Variants in TBC1D9 observed in about 807,000 individuals in gnomAD.
TBC1D9 encodes the protein TBC1 domain family member 9, also known as TBC1 domain family member 9A.
In TBC1D9, 63 loss-of-function variants were observed where a neutral mutation model predicts 132.0. The observed-to-expected ratio is 0.48, with a 90% CI of 0.39 to 0.59. The LOEUF is 0.59. TBC1D9 is among the 20% of genes least tolerant of loss of function. The pLI is 0.00. For synonymous variants in TBC1D9, 610 were observed against 609.9 expected (o/e 1.00, Z 0.00); for missense variants, 1,261 against 1,592.7 (o/e 0.79, Z 3.54).
At chr4:140,713,258 T>C (rs1738279030) in intron 1 of TBC1D9, among the ~76,000 whole-genome samples, 1 of 151,850 alleles carries the variant, frequency 6.6e-6, no homozygotes, top group Non-Finnish European at 1.5e-5. Flanking sequence ...ATTCATTAAA[T>C]CTCTAAGTAC....
intron 13 of TBC1D9, chr4:140,644,881 T>A: frequency 2.3e-6 from 1 of 433,540 alleles, no homozygotes; most frequent in Non-Finnish European, 4.6e-6. Flanking sequence ...CCTGACAAAC[T>A]GGTAGGGCGA....
intron 13 of TBC1D9, chr4:140,644,647 A>C (rs1359783203): frequency 2.4e-6 from 1 of 408,738 alleles, no homozygotes; most frequent in Admixed American, 3.2e-5. Context: ...GCTTCTTTGC[A>C]GTTCCAGGGC....
At chr4:140,644,132 C>A in intron 13 of TBC1D9, 1 of 373,384 alleles carries the variant, frequency 2.7e-6, no homozygotes, top group Non-Finnish European at 5.2e-6. Context: ...CTGTGGGCTG[C>A]CCCAGGAAAG....
chr4:140,675,514 C>G (rs1737609927), intron 6 of TBC1D9, among the ~76,000 whole-genome samples: 1 of 152,126 alleles, frequency 6.6e-6, no homozygotes, highest in Non-Finnish European at 1.5e-5. Flanking sequence ...AACCTGGGGT[C>G]TTTGTCAACT....
At chr4:140,644,398 G>A (rs1246789865) in intron 13 of TBC1D9, 1 of 284,850 alleles carries the variant, frequency 3.5e-6, no homozygotes, top group Non-Finnish European at 7.1e-6. Flanking sequence ...TCCTCCAGCG[G>A]CTGGATGACC....
chr4:140,681,893 T>C (rs1302645439), intron 3 of TBC1D9, among the ~76,000 whole-genome samples: 2 of 152,206 alleles, frequency 1.3e-5, no homozygotes, highest in African/African-American at 4.8e-5. Flanking sequence ...GTTCTAAGCA[T>C]TCTCACGTCT....
chr4:140,754,914 G>T (rs1356698239), intron 1 of TBC1D9, among the ~76,000 whole-genome samples: 2 of 152,112 alleles, frequency 1.3e-5, no homozygotes, highest in African/African-American at 4.8e-5. Context: ...CATATATCAA[G>T]AATCTTTATT....
chr4:140,623,615 C>T (rs918845296), intron 20 of TBC1D9, among the ~76,000 whole-genome samples: 2 of 152,172 alleles, frequency 1.3e-5, no homozygotes, highest in Non-Finnish European at 2.9e-5. Context: ...AATCCCTCCT[C>T]CCACGACACA....
intron 6 of TBC1D9, among the ~76,000 whole-genome samples, chr4:140,673,885 C>T (rs1320112915): frequency 1.3e-5 from 2 of 152,200 alleles, no homozygotes; most frequent in Non-Finnish European, 2.9e-5. Context: ...GTAAACAGAG[C>T]TAGTTGGCTC....
intron 1 of TBC1D9, among the ~76,000 whole-genome samples, chr4:140,713,253 T>C (rs1738278957): frequency 6.6e-6 from 1 of 152,066 alleles, no homozygotes; most frequent in Non-Finnish European, 1.5e-5. Flanking sequence ...TGAGTATTCA[T>C]TAAATCTCTA....
At chr4:140,690,110 C>A (rs1410264923) in intron 2 of TBC1D9, among the ~76,000 whole-genome samples, 1 of 152,014 alleles carries the variant, frequency 6.6e-6, no homozygotes, top group Non-Finnish European at 1.5e-5. Flanking sequence ...ACTCCCATAG[C>A]AGAAATGGTA....
intron 16 of TBC1D9, among the ~76,000 whole-genome samples, chr4:140,629,404 A>G (rs1309167802): frequency 6.6e-6 from 1 of 152,228 alleles, no homozygotes; most frequent in Non-Finnish European, 1.5e-5. Context: ...CCATGACTCA[A>G]AAATGGTTTA....
At position 140,630,779 on chromosome 4, in the gene TBC1D9, A is replaced by G. The variant is rs143561005; in HGVS notation, c.2747-2414T>C. On this transcript the variant is annotated intron_variant, in intron 16 of 20. Coordinates refer to ENST00000442267, the MANE Select transcript of TBC1D9 (RefSeq NM_015130.3). The stretch of plus-strand genomic sequence containing the variant: ...GTGGCCCCACCCATTCAGTAAGTGT[A>G]CTCTGCCTTCATGGTTCAAGGTGTC... Among the ~76,000 whole-genome samples, 567 of 152,258 alleles carry G rather than the reference A, an allele frequency of 3.7e-3. 2 individuals are homozygous for G. The highest frequency in any genetic ancestry group is 0.012 in the African/African-American group (504 of 41,534).
intron 13 of TBC1D9, among the ~76,000 whole-genome samples, chr4:140,648,764 G>T (rs1057073450): frequency 6.6e-5 from 10 of 152,106 alleles, no homozygotes; most frequent in South Asian, 2.1e-4. Flanking sequence ...CCAACAAATA[G>T]GTGTGTGGCC....
At chr4:140,668,805 C>A (rs1445525701) in intron 9 of TBC1D9, 112 bp downstream of exon 9, 3 of 1,091,688 alleles carry the variant, frequency 2.7e-6, no homozygotes, top group East Asian at 2.5e-5. Context: ...TAGCTTTCAA[C>A]TGGGGGATGC....
intron 13 of TBC1D9, among the ~76,000 whole-genome samples, chr4:140,653,197 A>C (rs1201266524): frequency 6.6e-6 from 1 of 152,250 alleles, no homozygotes; most frequent in Non-Finnish European, 1.5e-5. Flanking sequence ...TTATGAAGCG[A>C]AGTTATCAAT....
chr4:140,642,965 C>A, intron 13 of TBC1D9: 1 of 656,762 alleles, frequency 1.5e-6, no homozygotes, highest in Non-Finnish European at 2.6e-6. Context: ...TGTACTGGTG[C>A]TGGACCTCGG....
chr4:140,669,938 G>A (rs1737510076), intron 7 of TBC1D9, 134 bp from the exon 8 acceptor site: 7 of 895,874 alleles, frequency 7.8e-6, no homozygotes, highest in Admixed American at 2.8e-5. Flanking sequence ...GAAGAAACAC[G>A]AGAAAAGCAG....
intron 1 of TBC1D9, among the ~76,000 whole-genome samples, chr4:140,739,281 G>A (rs1171660831): frequency 6.6e-6 from 1 of 152,086 alleles, no homozygotes; most frequent in Non-Finnish European, 1.5e-5. Context: ...ACCGCACCTG[G>A]CTCAAAACTG....
Sources: allele counts gnomAD v4.1 joint callset (sites outside exome capture counted in the v4.1 genomes callset), GRCh38; gene constraint gnomAD v4.1.1; transcripts MANE v1.5; gene names NCBI Gene and HGNC (gene_info 2026-07-23, HGNC 2026-07-21).